The following HHLA1 variants were observed in gnomAD, a reference collection of about 807,000 sequenced individuals.
The protein encoded by HHLA1 is HHLA1 neighbor of OC90, also known as HERV-H LTR-associating protein 1.
HHLA1 carries 72 observed loss-of-function variants against 69.9 expected under a neutral mutation model. The ratio of observed to expected loss-of-function variants is 1.03; its 90% CI spans 0.85 to 1.25. The LOEUF (loss-of-function observed/expected upper bound fraction) is 1.25, where lower values mean the gene tolerates loss of function less well. HHLA1 is among the 50% of genes most tolerant of loss of function. The pLI is 0.00. For missense variants in HHLA1, 685 were observed against 642.2 expected, an observed-to-expected ratio of 1.07 and a Z score of -0.72; for synonymous variants, 252 against 233.2, an observed-to-expected ratio of 1.08 and a Z score of -0.73.
At chr8:132,087,015 G>A (rs1398753027) in intron 10 of HHLA1, among the ~76,000 whole-genome samples, 3 of 152,212 alleles carry the variant, frequency 2.0e-5, no homozygotes, top group East Asian at 3.9e-4. Context: ...TGTCAACTGT[G>A]TTGCAACCTG....
chr8:132,095,973 A>G (rs929436468), intron 5 of HHLA1, among the ~76,000 whole-genome samples, 187 bp from the exon 6 acceptor site: 1 of 152,250 alleles, frequency 6.6e-6, no homozygotes, highest in African/African-American at 2.4e-5. Context: ...AAAAAGCTGA[A>G]GAGTATGTAT....
intron 1 of HHLA1, among the ~76,000 whole-genome samples, chr8:132,110,647 G>T (rs1824280937): frequency 6.6e-6 from 1 of 152,286 alleles, no homozygotes; most frequent in African/African-American, 2.4e-5. Context: ...GGAGAACCAG[G>T]ATTGGAAGTC....
chr8:132,080,624 A>T (rs942470890), intron 10 of HHLA1: 5 of 161,210 alleles, frequency 3.1e-5, no homozygotes, highest in Non-Finnish European at 5.4e-5. Context: ...ACTTCAGGCC[A>T]TCTGGGCGTA....
At chr8:132,086,905 C>T (rs1229373933) in intron 10 of HHLA1, among the ~76,000 whole-genome samples, 2 of 152,178 alleles carry the variant, frequency 1.3e-5, no homozygotes, top group East Asian at 1.9e-4. Context: ...ATGAAGAGCC[C>T]ACTATGTGCA....
intron 2 of HHLA1, 74 bp from the exon 3 acceptor site, chr8:132,104,241 C>A: frequency 9.7e-7 from 1 of 1,029,106 alleles, no homozygotes; most frequent in Non-Finnish European, 1.5e-6. Flanking sequence ...TTCAACATAC[C>A]CATTTTACAG....
intron 1 of HHLA1, among the ~76,000 whole-genome samples, chr8:132,108,081 GT>G (rs1824235277): frequency 6.6e-6 from 1 of 152,156 alleles, no homozygotes; most frequent in Non-Finnish European, 1.5e-5. Context: ...TCATGGCATA[GT>G]TGTTACAAGC....
intron 15 of HHLA1, among the ~76,000 whole-genome samples, chr8:132,068,562 G>A (rs1032678403): frequency 6.6e-6 from 1 of 152,180 alleles, no homozygotes; most frequent in Non-Finnish European, 1.5e-5. Flanking sequence ...GGCCTATTTT[G>A]TTTGTCTTCA....
chr8:132,109,336 C>T (rs563957902), intron 1 of HHLA1, among the ~76,000 whole-genome samples: 12 of 152,316 alleles, frequency 7.9e-5, no homozygotes, highest in African/African-American at 2.4e-4. Context: ...CTACCGGCCT[C>T]GGTCTCCCAA....
At chr8:132,080,431 G>C (rs1445233455) in intron 10 of HHLA1, 1 of 301,026 alleles carries the variant, frequency 3.3e-6, no homozygotes, top group Non-Finnish European at 6.4e-6. Flanking sequence ...TGGCGGGCAG[G>C]AGTGGGGGTC....
intron 14 of HHLA1, among the ~76,000 whole-genome samples, chr8:132,074,997 A>G (rs1823611514): frequency 1.3e-5 from 2 of 152,248 alleles, no homozygotes; most frequent in Admixed American, 6.5e-5. Context: ...ATGGATATAG[A>G]CACCAATATA....
In HHLA1 at chr8:132,079,704, A is replaced by G; in HGVS notation, c.925+14T>C. 1.3e-6 allele frequency: 2 copies of G among 1,534,372 alleles called. No individual in the cohort carries two copies. Among genetic ancestry groups the G allele is most frequent in the South Asian group, 1.2e-5 (1 of 80,792 alleles). On this transcript the variant is annotated intron_variant, in intron 11 of 16. Transcript: ENST00000414222. Reference sequence around the variant, plus strand: ...ACATAGCAAAGGGGAGGAAAGGGTGAGAATGCATCTTACCCAAGGCTGGGA... The same window carrying G: ...ACATAGCAAAGGGGAGGAAAGGGTGGGAATGCATCTTACCCAAGGCTGGGA...
intron 1 of HHLA1, among the ~76,000 whole-genome samples, chr8:132,108,620 A>G (rs1272382382): frequency 6.6e-6 from 1 of 152,144 alleles, no homozygotes; most frequent in Non-Finnish European, 1.5e-5. Context: ...GCCAGCCAAA[A>G]TATACTATCC....
In HHLA1 at chr8:132,095,532, G is replaced by T. The variant is rs925598697; in HGVS notation, c.435C>A (p.Thr145=). The T allele has an allele frequency of 1.3e-6, 2 of 1,548,142 alleles. No individual in the cohort carries two copies. Among genetic ancestry groups the T allele is most frequent in the Non-Finnish European group, 1.7e-6 (2 of 1,143,814 alleles). The change falls in exon 7 of 17, where the codon ACC becomes ACA. Residue 145 remains threonine, a synonymous_variant. Transcript: ENST00000414222. The part of the protein sequence containing the change: ...TRYCYCLNNR[T]NDLSDFTALL... Reference sequence around the variant, plus strand: ...AGCTGTACCCACCTGATAAGTCATTGGTCCGATTGTTTAAACAGTAGCAAT... The same window carrying T: ...AGCTGTACCCACCTGATAAGTCATTTGTCCGATTGTTTAAACAGTAGCAAT...
intron 10 of HHLA1, among the ~76,000 whole-genome samples, chr8:132,085,251 G>C (rs568999238): frequency 6.6e-6 from 1 of 152,152 alleles, no homozygotes; most frequent in African/African-American, 2.4e-5. Context: ...TTGGGTTCAC[G>C]GATAAAACAT....
chr8:132,075,424 A>C (rs1823618059), intron 14 of HHLA1, among the ~76,000 whole-genome samples: 1 of 152,188 alleles, frequency 6.6e-6, no homozygotes, highest in Non-Finnish European at 1.5e-5. Context: ...AAGCTGGAAA[A>C]ATGCAGCAAA....
chr8:132,082,535 C>T (rs1422511570), intron 10 of HHLA1, among the ~76,000 whole-genome samples: 6 of 151,978 alleles, frequency 3.9e-5, no homozygotes, highest in East Asian at 3.9e-4. Flanking sequence ...AGAATTATGC[C>T]GAGATAGGTA....
At chr8:132,098,081 AT>A (rs1448930252) in intron 5 of HHLA1, among the ~76,000 whole-genome samples, 3 of 152,236 alleles carry the variant, frequency 2.0e-5, no homozygotes, top group Non-Finnish European at 4.4e-5. Flanking sequence ...TTACTGCCTT[AT>A]CCTCCAATAT....
chr8:132,069,115 A>G (rs1823487775), intron 15 of HHLA1, among the ~76,000 whole-genome samples: 1 of 152,118 alleles, frequency 6.6e-6, no homozygotes, highest in South Asian at 2.1e-4. Flanking sequence ...CATGCCAGAG[A>G]CTTGGTCTCC....
At chr8:132,071,707 A>G (rs1823548706) in intron 14 of HHLA1, among the ~76,000 whole-genome samples, 1 of 152,170 alleles carries the variant, frequency 6.6e-6, no homozygotes, top group African/African-American at 2.4e-5. Context: ...GAGTTTCTGG[A>G]GGAAAACAGA....
Sources: gnomAD v4.1 joint callset for allele counts (sites outside exome capture counted in the v4.1 genomes callset) on GRCh38, gnomAD v4.1.1 for gene constraint, MANE v1.5 for transcripts, NCBI Gene and HGNC (gene_info 2026-07-23, HGNC 2026-07-21) for gene names.